Variants in CNTNAP2 observed in about 807,000 individuals in gnomAD.
CNTNAP2 encodes the protein contactin associated protein 2.
A neutral mutation model predicts 155.2 loss-of-function variants in CNTNAP2; 98 were observed. The ratio of observed to expected loss-of-function variants is 0.63; its 90% CI spans 0.54 to 0.75. CNTNAP2 has a LOEUF of 0.75. CNTNAP2 is among the 30% of genes least tolerant of loss of function. The probability of loss-of-function intolerance (pLI) is 0.00; values close to 1 mark genes in which losing one functional copy is unlikely to be tolerated. For missense variants in CNTNAP2, 1,727 were observed against 1,688.1 expected (o/e 1.02, Z -0.40); for synonymous variants, 651 against 631.2 (o/e 1.03, Z -0.47).
intron 2 of CNTNAP2, among the ~76,000 whole-genome samples, chr7:146,803,948 G>A (rs1056726011): frequency 6.6e-6 from 1 of 152,162 alleles, no homozygotes; most frequent in Non-Finnish European, 1.5e-5. Context: ...ATGAGAAATA[G>A]GTGGTAGGAA....
chr7:147,844,906 T>C (rs1798801967), intron 13 of CNTNAP2, among the ~76,000 whole-genome samples: 1 of 141,560 alleles, frequency 7.1e-6, no homozygotes, highest in Non-Finnish European at 1.6e-5. Context: ...TTTATTGATT[T>C]GCGTATATTG....
At chr7:146,780,673 C>G (rs1434987348) in intron 2 of CNTNAP2, among the ~76,000 whole-genome samples, 4 of 151,962 alleles carry the variant, frequency 2.6e-5, no homozygotes, top group African/African-American at 9.7e-5. Context: ...ACATATACAC[C>G]ACGGAACACT....
At chr7:147,382,630 G>A (rs140240512) in intron 9 of CNTNAP2, among the ~76,000 whole-genome samples, 1 of 152,262 alleles carries the variant, frequency 6.6e-6, no homozygotes, top group African/African-American at 2.4e-5. Flanking sequence ...AGCTGAGACA[G>A]AGATATGATT....
At chr7:147,585,795 A>G (rs199793599) in intron 12 of CNTNAP2, among the ~76,000 whole-genome samples, 4 of 151,074 alleles carry the variant, frequency 2.6e-5, no homozygotes, top group Non-Finnish European at 5.9e-5. Flanking sequence ...GTGTGTATAT[A>G]TGTGTGTGTG....
At chr7:148,268,965 G>T (rs903113476) in intron 21 of CNTNAP2, among the ~76,000 whole-genome samples, 1 of 152,122 alleles carries the variant, frequency 6.6e-6, no homozygotes. Flanking sequence ...AGAGAGGAAA[G>T]ATTGGGCAGG....
chr7:148,361,225 C>T (rs1029988740), intron 21 of CNTNAP2, among the ~76,000 whole-genome samples: 1 of 152,148 alleles, frequency 6.6e-6, no homozygotes. Flanking sequence ...CTAAGTCTCT[C>T]ATTTAAAAAG....
intron 4 of CNTNAP2, among the ~76,000 whole-genome samples, chr7:147,067,912 C>G (rs1799813952): frequency 6.6e-6 from 1 of 152,176 alleles, no homozygotes; most frequent in East Asian, 1.9e-4. Flanking sequence ...TTAGAACAGA[C>G]ATTTATTATT....
chr7:146,226,571 G>A (rs1274862047), intron 1 of CNTNAP2, among the ~76,000 whole-genome samples: 1 of 152,118 alleles, frequency 6.6e-6, no homozygotes, highest in African/African-American at 2.4e-5. Flanking sequence ...AGGTGGAAAG[G>A]ATTGCTTGAG....
chr7:146,959,728 A>AG (rs1256402599), intron 3 of CNTNAP2, among the ~76,000 whole-genome samples: 35 of 151,966 alleles, frequency 2.3e-4, no homozygotes, highest in African/African-American at 8.4e-4. Context: ...AAAAAAAAAA[A>AG]AAAAAGAAAG....
chr7:148,085,694 C>A (rs961215205), intron 15 of CNTNAP2, among the ~76,000 whole-genome samples: 4 of 150,884 alleles, frequency 2.7e-5, no homozygotes, highest in Admixed American at 6.6e-5. Flanking sequence ...TTTTCTCTTT[C>A]CCTTCCTTCC....
chr7:146,668,145 C>T (rs949748739), intron 1 of CNTNAP2, among the ~76,000 whole-genome samples: 3 of 150,398 alleles, frequency 2.0e-5, no homozygotes, highest in Non-Finnish European at 2.9e-5. Flanking sequence ...AGGTAATTTC[C>T]TTCTACACCT....
At chr7:148,149,743 G>A (rs543968306) in intron 17 of CNTNAP2, among the ~76,000 whole-genome samples, 1 of 152,090 alleles carries the variant, frequency 6.6e-6, no homozygotes. Context: ...GTAGAGAAGG[G>A]GTTTCACCAT....
At chr7:148,098,638 A>C (rs1804023560) in intron 15 of CNTNAP2, among the ~76,000 whole-genome samples, 1 of 151,988 alleles carries the variant, frequency 6.6e-6, no homozygotes, top group Admixed American at 6.6e-5. Flanking sequence ...CAGGAGTTTG[A>C]GTCCAGCCTA....
At chr7:146,496,803 A>T (rs1342509888) in intron 1 of CNTNAP2, among the ~76,000 whole-genome samples, 2 of 152,236 alleles carry the variant, frequency 1.3e-5, no homozygotes, top group East Asian at 3.8e-4. Context: ...TTAGCCATTC[A>T]GGTATAACAA....
At chr7:146,933,676 C>T (rs1460653630) in intron 3 of CNTNAP2, among the ~76,000 whole-genome samples, 21 of 149,004 alleles carry the variant, frequency 1.4e-4, no homozygotes, top group East Asian at 1.2e-3. Context: ...AGAAAATTTT[C>T]GCAACCTACT....
chr7:147,350,906 A>T (rs1042059549), intron 9 of CNTNAP2, among the ~76,000 whole-genome samples: 2 of 151,824 alleles, frequency 1.3e-5, no homozygotes, highest in Non-Finnish European at 2.9e-5. Flanking sequence ...CAATACCTAT[A>T]AGTCCTTTTA....
Position 146,718,670 on chromosome 7 carries a change from A to G in CNTNAP2, c.98-55601A>G, listed in dbSNP as rs1025571517. 9.9e-5 allele frequency among the ~76,000 whole-genome samples: 15 copies of G among 152,184 alleles called. 1 individual carries two copies. The highest frequency in any genetic ancestry group is 3.4e-4 in the African/African-American group (14 of 41,460). On this transcript the variant is annotated intron_variant, in intron 1 of 23. Coordinates refer to ENST00000361727, the MANE Select transcript of CNTNAP2 (RefSeq NM_014141.6). ...GCTCAACTTAATATTGTTGAAGTTT[A>G]GATAAGGACAGATGGTTCTCTCTTC... is the stretch of plus-strand genomic sequence containing the variant.
At chr7:147,274,442 T>C (rs1004951344) in intron 8 of CNTNAP2, among the ~76,000 whole-genome samples, 1 of 152,168 alleles carries the variant, frequency 6.6e-6, no homozygotes, top group Non-Finnish European at 1.5e-5. Flanking sequence ...CACATTTTTA[T>C]ATGTTTATTG....
At position 147,359,846 on chromosome 7, in the gene CNTNAP2, A is replaced by G. The variant is rs191250149; in HGVS notation, c.1499-35763A>G. Among the ~76,000 whole-genome samples the G allele has an allele frequency of 7.7e-4, 117 of 152,096 alleles. 1 individual carries two copies. The highest frequency in any genetic ancestry group is 2.7e-3 in the African/African-American group (110 of 41,484). ...TCTCTACTCCCTAACCCTCTTTTCT[A>G]CTAATTTAATTATTTTTTCATCCAA... On this transcript the variant is annotated intron_variant, in intron 9 of 23. Transcript: ENST00000361727.
Sources: allele counts gnomAD v4.1 joint callset (sites outside exome capture counted in the v4.1 genomes callset), GRCh38; gene constraint gnomAD v4.1.1; transcripts MANE v1.5; gene names NCBI Gene and HGNC (gene_info 2026-07-23, HGNC 2026-07-21).